Variants in EIF4ENIF1 observed in about 807,000 individuals in gnomAD.
EIF4ENIF1 encodes eukaryotic translation initiation factor 4E nuclear import factor 1, also known as eukaryotic translation initiation factor 4E transporter.
Under a neutral mutation model 110.5 loss-of-function variants are expected in EIF4ENIF1, and 23 were observed. That is an observed-to-expected ratio of 0.21 (90% CI 0.15 to 0.29). The LOEUF (loss-of-function observed/expected upper bound fraction) is 0.29. EIF4ENIF1 is among the 10% of genes least tolerant of loss of function. The probability of loss-of-function intolerance (pLI) is 1.00; values close to 1 mark genes in which losing one functional copy is unlikely to be tolerated. For synonymous variants in EIF4ENIF1, 440 were observed against 437.0 expected, an observed-to-expected ratio of 1.01 and a Z score of -0.09; for missense variants, 1,031 against 1,221.1, an observed-to-expected ratio of 0.84 and a Z score of 2.32.
At position 31,463,837 on chromosome 22, in the gene EIF4ENIF1, A is replaced by C. The variant is rs1482911490; in HGVS notation, c.429T>G (p.Asp143Glu). The C allele has an allele frequency of 6.2e-7, 1 of 1,613,890 alleles. No homozygotes were observed. Among genetic ancestry groups the C allele is most frequent in the African/African-American group, 1.3e-5 (1 of 74,864 alleles). The change falls in exon 5 of 19, where the codon GAT becomes GAG. Residue 143 changes from aspartate to glutamate, a missense_variant. This residue lies in a region of EIF4ENIF1 where 704 missense variants were observed against 879.7 expected (regional missense o/e 0.80). Transcript: ENST00000330125. ...CACCAAGCAGACGAAGCCCATCACT[A>C]TCTTTCTCTAATGGACTTCCTGAGC... ...SRRSGSPLEK[D>E]SDGLRLLGGR...
intron 2 of EIF4ENIF1, among the ~76,000 whole-genome samples, chr22:31,476,471 C>A (rs1569100757): frequency 6.6e-6 from 1 of 151,562 alleles, no homozygotes; most frequent in East Asian, 1.9e-4. Flanking sequence ...GACGAGGAAT[C>A]AAAAAATACT....
intron 14 of EIF4ENIF1, chr22:31,446,823 C>G: frequency 3.4e-6 from 1 of 293,192 alleles, no homozygotes; most frequent in Non-Finnish European, 7.0e-6. Flanking sequence ...TATTGCCACT[C>G]CTTTCCCTTT....
chr22:31,452,207 C>A (rs1304644209), intron 10 of EIF4ENIF1, among the ~76,000 whole-genome samples: 3 of 152,124 alleles, frequency 2.0e-5, no homozygotes, highest in Admixed American at 2.0e-4. Flanking sequence ...AAATAGTATA[C>A]AAAACATACA....
At chr22:31,481,167 T>C (rs1332103804) in intron 2 of EIF4ENIF1, among the ~76,000 whole-genome samples, 1 of 150,826 alleles carries the variant, frequency 6.6e-6, no homozygotes, top group East Asian at 2.1e-4. Context: ...GATTGAATAA[T>C]TTTTTTTTCC....
At chr22:31,447,604 G>T in intron 13 of EIF4ENIF1, 39 bp from the exon 14 acceptor site, 2 of 1,559,168 alleles carry the variant, frequency 1.3e-6, no homozygotes, top group Admixed American at 4.1e-5. Flanking sequence ...AGAAGAGTAA[G>T]GACACCACAC....
chr22:31,489,001 G>T (rs780414352), intron 1 of EIF4ENIF1: 1 of 355,882 alleles, frequency 2.8e-6, no homozygotes, highest in Non-Finnish European at 5.1e-6. Flanking sequence ...CCTTTAAGCA[G>T]CTTTAACACA....
intron 2 of EIF4ENIF1, among the ~76,000 whole-genome samples, chr22:31,488,096 A>G (rs2052113586): frequency 6.6e-6 from 1 of 152,238 alleles, no homozygotes. Context: ...AAGCATCTCC[A>G]GTTTTTAGCT....
At chr22:31,473,048 CCA>C (rs1433828014) in intron 2 of EIF4ENIF1, among the ~76,000 whole-genome samples, 1 of 151,236 alleles carries the variant, frequency 6.6e-6, no homozygotes, top group East Asian at 1.9e-4. Flanking sequence ...TTTTTGGCTT[CCA>C]CATATGAGCG....
At chr22:31,465,153 G>A (rs182754913) in intron 4 of EIF4ENIF1, among the ~76,000 whole-genome samples, 159 of 151,836 alleles carry the variant, frequency 1.0e-3, no homozygotes, top group East Asian at 7.4e-3. Flanking sequence ...GTGAAACCTC[G>A]TCTCTACTAA....
intron 11 of EIF4ENIF1, 41 bp from the exon 12 acceptor site, chr22:31,449,572 C>A: frequency 1.3e-6 from 2 of 1,576,916 alleles, no homozygotes; most frequent in South Asian, 1.2e-5. Context: ...CTTAGTTATT[C>A]CTTCTACTCA....
intron 4 of EIF4ENIF1, chr22:31,464,336 A>G (rs5753628): frequency 0.24 from 48,838 of 204,928 alleles, 7,419 homozygotes; most frequent in East Asian, 0.48. Context: ...TGTCTCTTCA[A>G]CAAAATGGTG....
intron 15 of EIF4ENIF1, among the ~76,000 whole-genome samples, chr22:31,443,782 G>A (rs1183255244): frequency 6.7e-6 from 1 of 149,012 alleles, no homozygotes; most frequent in Non-Finnish European, 1.5e-5. Context: ...TTGATTAGAT[G>A]ATAAAGATTT....
At chr22:31,477,357 C>CAA (rs749894840) in intron 2 of EIF4ENIF1, among the ~76,000 whole-genome samples, 534 of 46,468 alleles carry the variant, frequency 0.011, 16 homozygotes, top group East Asian at 0.038. Flanking sequence ...CCTCTGTCTC[C>CAA]AAAAAAAAAA....
Position 31,441,869 on chromosome 22 carries a change from A to G in EIF4ENIF1, c.2456T>C (p.Met819Thr), listed in dbSNP as rs1257381327. Residue 819 changes from methionine to threonine, a missense_variant, in exon 17 of 19, where the codon ATG becomes ACG. Transcript: ENST00000330125. Reference protein sequence around the residue: ...HQVPLVPHVPMVRPAHQLHPG... With the variant: ...HQVPLVPHVPTVRPAHQLHPG... ...GTGAAGCTGGTGAGCAGGCCTAACC[A>G]TAGGGACATGGGGGACAAGGGGAAC... 1.2e-6 allele frequency: 2 copies of G among 1,614,146 alleles called. No individual in the cohort carries two copies. The highest frequency in any genetic ancestry group is 4.5e-5 in the East Asian group (2 of 44,870).
chr22:31,471,397 C>A (rs1490210873), intron 3 of EIF4ENIF1, among the ~76,000 whole-genome samples: 2 of 151,926 alleles, frequency 1.3e-5, no homozygotes, highest in East Asian at 3.9e-4. Context: ...TCACTGCAGG[C>A]TCCGCCTCCC....
chr22:31,474,119 G>A (rs1189642361), intron 2 of EIF4ENIF1, among the ~76,000 whole-genome samples: 2 of 151,174 alleles, frequency 1.3e-5, no homozygotes, highest in African/African-American at 2.4e-5. Flanking sequence ...GTGCACTGGC[G>A]CAATCTTGGC....
chr22:31,472,600 G>A (rs541951227), intron 2 of EIF4ENIF1, among the ~76,000 whole-genome samples: 1 of 151,938 alleles, frequency 6.6e-6, no homozygotes, highest in African/African-American at 2.4e-5. Context: ...AATGTTGCAA[G>A]ACTGAAAAAA....
At chr22:31,487,013 G>C (rs1157273151) in intron 2 of EIF4ENIF1, among the ~76,000 whole-genome samples, 2 of 151,896 alleles carry the variant, frequency 1.3e-5, no homozygotes, top group African/African-American at 4.8e-5. Context: ...TTGAACTTAG[G>C]AGGCAGAGGT....
At chr22:31,478,056 C>T (rs972980712) in intron 2 of EIF4ENIF1, among the ~76,000 whole-genome samples, 8 of 152,114 alleles carry the variant, frequency 5.3e-5, no homozygotes, top group African/African-American at 1.9e-4. Context: ...CAAAATATGG[C>T]CCAAGGTCCA....
Sources: allele counts gnomAD v4.1 joint callset (sites outside exome capture counted in the v4.1 genomes callset), GRCh38; gene constraint gnomAD v4.1.1; regional missense constraint gnomAD v4.1.1; transcripts MANE v1.5; gene names NCBI Gene and HGNC (gene_info 2026-07-23, HGNC 2026-07-21).